The following CAST variants were observed in gnomAD, a reference collection of about 807,000 sequenced individuals.
CAST encodes MIR583 host.
A neutral mutation model predicts 119.6 loss-of-function variants in CAST; 76 were observed. That is an observed-to-expected ratio of 0.64 (90% CI 0.53 to 0.77). The LOEUF (loss-of-function observed/expected upper bound fraction) is 0.77. Among genes scored for constraint, CAST ranks in the 30% least tolerant of loss-of-function variants. The pLI is 0.00. For missense variants in CAST, 953 were observed against 946.5 expected, an observed-to-expected ratio of 1.01 and a Z score of -0.09; for synonymous variants, 319 against 331.6, an observed-to-expected ratio of 0.96 and a Z score of 0.41.
chr5:96,061,119 G>GTTGA, the CAST span, among the ~76,000 whole-genome samples: 1 of 152,048 alleles, frequency 6.6e-6, no homozygotes, highest in Admixed American at 6.6e-5. Flanking sequence ...CAGCTACACT[G>GTTGA]AGGGTTCAGG....
At chr5:96,017,037 C>T in the CAST span, among the ~76,000 whole-genome samples, 6 of 151,938 alleles carry the variant, frequency 3.9e-5, no homozygotes, top group Non-Finnish European at 8.8e-5. Context: ...AGAGTTTCAC[C>T]GTGTTAGCCA....
At chr5:96,405,651 A>G in the CAST span, among the ~76,000 whole-genome samples, 1 of 152,160 alleles carries the variant, frequency 6.6e-6, no homozygotes, top group Non-Finnish European at 1.5e-5. Flanking sequence ...AGCCTGGGTG[A>G]CGGAGTGAGA....
At chr5:95,997,097 A>C in the CAST span, among the ~76,000 whole-genome samples, 1 of 152,198 alleles carries the variant, frequency 6.6e-6, no homozygotes, top group African/African-American at 2.4e-5. Flanking sequence ...ATGACTCAAC[A>C]GATTCTCTAA....
chr5:95,999,080 A>G, the CAST span, among the ~76,000 whole-genome samples: 2 of 152,044 alleles, frequency 1.3e-5, no homozygotes, highest in East Asian at 3.9e-4. Flanking sequence ...TTACTGAGTA[A>G]TCAGTTTAAG....
At chr5:96,117,666 A>G in the CAST span, among the ~76,000 whole-genome samples, 1 of 152,212 alleles carries the variant, frequency 6.6e-6, no homozygotes, top group Non-Finnish European at 1.5e-5. Context: ...GAATGACTGT[A>G]GTGCCCATTT....
chr5:96,756,261 G>A (rs946559747), intron 22 of CAST, among the ~76,000 whole-genome samples: 1 of 152,180 alleles, frequency 6.6e-6, no homozygotes, highest in African/African-American at 2.4e-5. Context: ...TTCAGTTTGA[G>A]TAGGGAGCAA....
chr5:95,983,082 C>T, the CAST span, among the ~76,000 whole-genome samples: 1 of 152,104 alleles, frequency 6.6e-6, no homozygotes, highest in Non-Finnish European at 1.5e-5. Context: ...CAAGAAAATA[C>T]ATATGGTATG....
chr5:96,053,824 A>T, the CAST span, among the ~76,000 whole-genome samples: 2 of 152,226 alleles, frequency 1.3e-5, no homozygotes, highest in African/African-American at 4.8e-5. Flanking sequence ...AAAGTAAAAT[A>T]CTTTCTGGTT....
chr5:95,980,153 T>A, the CAST span, among the ~76,000 whole-genome samples: 1 of 151,878 alleles, frequency 6.6e-6, no homozygotes, highest in Admixed American at 6.6e-5. Flanking sequence ...AGCAAAAAAA[T>A]AAAAATAAAA....
At chr5:96,468,510 C>T in the CAST span, among the ~76,000 whole-genome samples, 66 of 152,214 alleles carry the variant, frequency 4.3e-4, 1 homozygote, top group African/African-American at 1.5e-3. Flanking sequence ...GTGTCTATCT[C>T]ATTCAATCCC....
the CAST span, among the ~76,000 whole-genome samples, chr5:96,066,394 C>CTTTTTTTTTTTTTTTTTTTTTTTTTT: frequency 6.9e-6 from 1 of 145,028 alleles, no homozygotes; most frequent in Admixed American, 6.8e-5. Context: ...CTCTAACAAC[C>CTTTTTTTTTTTTTTTTTTTTTTTTTT]TTTTTTTTTT....
intron 16 of CAST, among the ~76,000 whole-genome samples, chr5:96,743,959 C>T (rs1202573278): frequency 1.3e-5 from 2 of 152,108 alleles, no homozygotes; most frequent in African/African-American, 4.8e-5. Flanking sequence ...TTCTTACAGA[C>T]ACTTAAGGAG....
At chr5:95,988,847 A>G in the CAST span, among the ~76,000 whole-genome samples, 1 of 152,224 alleles carries the variant, frequency 6.6e-6, no homozygotes, top group Non-Finnish European at 1.5e-5. Flanking sequence ...TTGTTTAGAA[A>G]GGACATTTTA....
At chr5:96,768,339 C>T in intron 29 of CAST, 1 of 428,846 alleles carries the variant, frequency 2.3e-6, no homozygotes, top group South Asian at 1.8e-5. Context: ...CAACCTCTAC[C>T]TCCCAAAGTA....
chr5:96,726,968 C>T (rs1340112188), intron 5 of CAST, 109 bp downstream of exon 5: 1 of 746,254 alleles, frequency 1.3e-6, no homozygotes, highest in Non-Finnish European at 2.3e-6. Flanking sequence ...ACTGAGATCC[C>T]ATCATGGACT....
the CAST span, among the ~76,000 whole-genome samples, chr5:96,414,915 T>G: frequency 9.2e-5 from 14 of 152,196 alleles, no homozygotes; most frequent in African/African-American, 1.2e-4. Context: ...AAAGATGCAT[T>G]ACATGTCACG....
At chr5:96,145,443 A>T in the CAST span, among the ~76,000 whole-genome samples, 1 of 152,206 alleles carries the variant, frequency 6.6e-6, no homozygotes, top group African/African-American at 2.4e-5. Flanking sequence ...GATGTAGAAG[A>T]CAAAGACTCA....
chr5:96,495,686 G>C, the CAST span, among the ~76,000 whole-genome samples: 1 of 152,112 alleles, frequency 6.6e-6, no homozygotes, highest in Admixed American at 6.6e-5. Flanking sequence ...ATTTGGGTTG[G>C]TTCCAAGTCT....
At chr5:96,299,790 T>G in the CAST span, among the ~76,000 whole-genome samples, 1 of 152,226 alleles carries the variant, frequency 6.6e-6, no homozygotes, top group Non-Finnish European at 1.5e-5. Flanking sequence ...TATTATATAT[T>G]GACAAGTTAT....
Sources: gnomAD v4.1 joint callset for allele counts (sites outside exome capture counted in the v4.1 genomes callset) on GRCh38, gnomAD v4.1.1 for gene constraint, MANE v1.5 for transcripts, NCBI Gene and HGNC (gene_info 2026-07-23, HGNC 2026-07-21) for gene names.